Variants in SLC71A2 observed in about 807,000 individuals in gnomAD.
SLC71A2 encodes the protein hippocampus abundant transcript-like 1.
chr9:94,389,799 G>T, the SLC71A2 span, among the ~76,000 whole-genome samples: 73,398 of 151,126 alleles, frequency 0.49, 18,043 homozygotes, highest in East Asian at 0.6. Context: ...GCAGAGATGG[G>T]GTCTCACTAT....
the SLC71A2 span, among the ~76,000 whole-genome samples, chr9:94,457,611 A>G: frequency 1.3e-5 from 2 of 152,118 alleles, no homozygotes; most frequent in Non-Finnish European, 2.9e-5. Context: ...AGATGTGATG[A>G]CCCATCCGTG....
the SLC71A2 span, among the ~76,000 whole-genome samples, chr9:94,454,886 A>T: frequency 6.6e-6 from 1 of 152,186 alleles, no homozygotes; most frequent in Non-Finnish European, 1.5e-5. Flanking sequence ...AACAGGAAGG[A>T]AGGTCCAAAT....
chr9:94,376,342 A>G, the SLC71A2 span, among the ~76,000 whole-genome samples: 4 of 151,310 alleles, frequency 2.6e-5, no homozygotes, highest in African/African-American at 7.3e-5. Context: ...ATCCTCTCCT[A>G]TGCATTCTTA....
chr9:94,456,458 A>G, the SLC71A2 span: 1 of 681,852 alleles, frequency 1.5e-6, no homozygotes, highest in South Asian at 1.7e-5. Context: ...GGCCCCTTTT[A>G]TCATACCTAT....
At chr9:94,454,192 T>A in the SLC71A2 span, 2 of 659,224 alleles carry the variant, frequency 3.0e-6, no homozygotes, top group Non-Finnish European at 5.4e-6. Context: ...TATTCAACAT[T>A]GCAGAAACCA....
chr9:94,429,466 C>T, the SLC71A2 span, among the ~76,000 whole-genome samples: 4 of 151,988 alleles, frequency 2.6e-5, no homozygotes, highest in African/African-American at 9.7e-5. Flanking sequence ...AGTGTGAATA[C>T]TCTATAGGCC....
At chr9:94,405,441 G>T in the SLC71A2 span, among the ~76,000 whole-genome samples, 1 of 151,150 alleles carries the variant, frequency 6.6e-6, no homozygotes, top group Admixed American at 6.6e-5. Context: ...CACGCTTGCA[G>T]TGAGCGGAAA....
At chr9:94,416,714 C>A in the SLC71A2 span, among the ~76,000 whole-genome samples, 3 of 151,932 alleles carry the variant, frequency 2.0e-5, no homozygotes, top group Non-Finnish European at 2.9e-5. Flanking sequence ...ATTAGCTGGG[C>A]ATGGTGGTGC....
the SLC71A2 span, among the ~76,000 whole-genome samples, chr9:94,448,241 G>A: frequency 1.3e-5 from 2 of 151,918 alleles, no homozygotes; most frequent in African/African-American, 4.8e-5. Context: ...TGGACTTCAG[G>A]GGGACTCAAA....
At chr9:94,431,332 T>C in the SLC71A2 span, among the ~76,000 whole-genome samples, 1 of 151,800 alleles carries the variant, frequency 6.6e-6, no homozygotes, top group Non-Finnish European at 1.5e-5. Flanking sequence ...AAAAAAATTA[T>C]GCCCTAGTAA....
At chr9:94,436,461 C>T in the SLC71A2 span, among the ~76,000 whole-genome samples, 12 of 152,222 alleles carry the variant, frequency 7.9e-5, no homozygotes, top group African/African-American at 2.7e-4. Context: ...TGAACAACTC[C>T]TTCCCTGTGT....
chr9:94,432,355 C>T, the SLC71A2 span, among the ~76,000 whole-genome samples: 1 of 150,726 alleles, frequency 6.6e-6, no homozygotes, highest in African/African-American at 2.4e-5. Context: ...GCAAAATTAG[C>T]CGGTTGTGGT....
chr9:94,458,446 T>A, the SLC71A2 span: 1 of 1,614,034 alleles, frequency 6.2e-7, no homozygotes, highest in African/African-American at 1.3e-5. Flanking sequence ...AATTGAATTC[T>A]AACAACGTTC....
chr9:94,424,123 A>T, the SLC71A2 span, among the ~76,000 whole-genome samples: 1 of 152,202 alleles, frequency 6.6e-6, no homozygotes, highest in South Asian at 2.1e-4. Flanking sequence ...CTTTGTCATA[A>T]ATGAGACAAC....
At chr9:94,434,220 A>G in the SLC71A2 span, among the ~76,000 whole-genome samples, 1 of 152,216 alleles carries the variant, frequency 6.6e-6, no homozygotes, top group Admixed American at 6.5e-5. Context: ...TTTAACAACT[A>G]TTATGACCAA....
the SLC71A2 span, among the ~76,000 whole-genome samples, chr9:94,390,989 A>G: frequency 1.3e-5 from 2 of 151,964 alleles, no homozygotes; most frequent in African/African-American, 4.8e-5. Context: ...TATCTGATGC[A>G]GTGCCTGAGT....
the SLC71A2 span, among the ~76,000 whole-genome samples, chr9:94,457,640 G>C: frequency 6.6e-6 from 1 of 152,082 alleles, no homozygotes; most frequent in Non-Finnish European, 1.5e-5. Context: ...TCACTGCCTT[G>C]GCATCTGACA....
chr9:94,451,606 A>C, the SLC71A2 span: 1 of 735,454 alleles, frequency 1.4e-6, no homozygotes, highest in Non-Finnish European at 2.2e-6. Flanking sequence ...CCACATATAA[A>C]AATGCAGGAA....
At chr9:94,404,798 C>T in the SLC71A2 span, among the ~76,000 whole-genome samples, 1 of 152,162 alleles carries the variant, frequency 6.6e-6, no homozygotes, top group Non-Finnish European at 1.5e-5. Context: ...TGCCTTTTCA[C>T]TGTCTTGATA....
Sources: allele counts gnomAD v4.1 joint callset (sites outside exome capture counted in the v4.1 genomes callset), GRCh38; gene constraint gnomAD v4.1.1; transcripts MANE v1.5; gene names NCBI Gene and HGNC (gene_info 2026-07-23, HGNC 2026-07-21).